MPLKIP: variants seen among roughly 807,000 people sequenced by gnomAD.
MPLKIP encodes M-phase-specific PLK1-interacting protein.
A neutral mutation model predicts 16.9 loss-of-function variants in MPLKIP; 16 were observed. The ratio of observed to expected loss-of-function variants is 0.94; its 90% CI spans 0.64 to 1.43. The LOEUF (loss-of-function observed/expected upper bound fraction) is 1.43. Ranked by LOEUF, MPLKIP falls within the 40% of genes most tolerant of loss-of-function variation. The pLI, the probability that MPLKIP is intolerant of heterozygous loss-of-function variation, is 0.00. For synonymous variants in MPLKIP, 126 were observed against 98.4 expected, an observed-to-expected ratio of 1.28 and a Z score of -1.66; for missense variants, 282 against 237.6, an observed-to-expected ratio of 1.19 and a Z score of -1.23.
Position 40,134,513 on chromosome 7 carries a change from C to T in MPLKIP, c.55G>A (p.Gly19Arg). Residue 19 changes from glycine (G) to arginine (R), a missense_variant, in exon 1 of 2, where the codon GGA becomes AGA. By Grantham distance (125) the Gly-to-Arg change is moderately radical. Coordinates refer to ENST00000306984, the MANE Select transcript of MPLKIP (RefSeq NM_138701.4). ...PTPPYPGPGGGGWGSGSSFRG... is the reference protein window; with the variant it reads ...PTPPYPGPGGRGWGSGSSFRG... ...AAGCTGCTTCCGCTACCCCAACCTC[C>T]TCCACCCGGACCAGGGTAAGGAGGA... The T allele has an allele frequency of 6.3e-7, 1 of 1,592,034 alleles. No homozygotes were observed. The highest frequency in any genetic ancestry group is 1.1e-5 in the South Asian group (1 of 88,038).
chr7:40,128,882 C>G lies in MPLKIP; in HGVS notation c.*4177G>C, dbSNP rs1413486190. ...AGTGAGCTGAGATCGTGCCACTGCA[C>G]TCCAGCATGGGTGACAGAACAAGAC... On this transcript the variant is annotated 3_prime_UTR_variant, in exon 2 of 2. Coordinates refer to ENST00000306984, the MANE Select transcript of MPLKIP (RefSeq NM_138701.4). 7.8e-6 allele frequency: 1 copy of G among 127,608 alleles called. No individual in the cohort carries two copies. Among genetic ancestry groups the G allele is most frequent in the Non-Finnish European group, 1.6e-5 (1 of 64,292 alleles). The allele number at this position is 127,608 out of a possible 1,614,324, so 7.9% of individuals were successfully genotyped here.
At chr7:40,133,309 C>T (rs1040509598) in intron 1 of MPLKIP, 50 bp from the exon 2 acceptor site, 24 of 1,516,002 alleles carry the variant, frequency 1.6e-5, no homozygotes, top group African/African-American at 2.7e-5. Flanking sequence ...ATAATTGGTA[C>T]TTCTTCCTTT....
Position 40,131,323 on chromosome 7 carries a change from G to C in MPLKIP, c.*1736C>G, listed in dbSNP as rs1419234069. On this transcript the variant is annotated 3_prime_UTR_variant, in exon 2 of 2. Coordinates refer to ENST00000306984, the MANE Select transcript of MPLKIP (RefSeq NM_138701.4). ...TTTTGTTTTTACACGTTTCTTTCTG[G>C]GAATGTTGAAACAAAAGTTTTACTA... 2.6e-5 allele frequency: 4 copies of C among 152,014 alleles called. No homozygotes were observed. The highest frequency in any genetic ancestry group is 9.7e-5 in the African/African-American group (4 of 41,328). The allele number at this position is 152,014 out of a possible 1,614,324, so 9.4% of individuals were successfully genotyped here. A position where few individuals can be genotyped will look rare whatever the true frequency, so the allele number is the denominator to read the frequency against.
chr7:40,134,352 G>A lies in MPLKIP; in HGVS notation c.216C>T (p.Ser72=). 1.3e-6 allele frequency: 2 copies of A among 1,553,388 alleles called. No individual in the cohort carries two copies. Among genetic ancestry groups the A allele is most frequent in the South Asian group, 2.4e-5 (2 of 84,508 alleles). ...GAGACCCGAACCGGCCCCCCGGGAA[G>A]CTGCCGCCGTGTCGCGGAGAGTGAC... ...GSSHSPRHGG[S]FPGGRFGSPS... The change falls in exon 1 of 2, where the codon AGC becomes AGT. Residue 72 remains serine (S), a synonymous_variant. Coordinates refer to ENST00000306984, the MANE Select transcript of MPLKIP (RefSeq NM_138701.4).
In MPLKIP at chr7:40,134,402, G is replaced by A; in HGVS notation, c.166C>T (p.Pro56Ser). 2 of 1,562,508 alleles carry A rather than the reference G, an allele frequency of 1.3e-6. No homozygotes were observed. Among genetic ancestry groups the A allele is most frequent in the Non-Finnish European group, 1.7e-6 (2 of 1,155,270 alleles). ...GSPHHTPPYG[P>S]RSRPYGSSHS... ...CTGCTCCCGTACGGCCTAGACCGGG[G>A]CCCGTACGGCGGCGTGTGGTGCGGA... is the stretch of plus-strand genomic sequence containing the variant. Residue 56 changes from proline to serine, a missense_variant, in exon 1 of 2, where the codon CCC (proline) becomes TCC (serine). Transcript: ENST00000306984.
rs1787471739 is a variant in MPLKIP at position 40,132,106 on chromosome 7, T to A, written c.*953A>T. ...GAACTATAGGTATATATCCATAGCA[T>A]CCCTTAATTTGGAAAACCACTTCTC... On this transcript the variant is annotated 3_prime_UTR_variant, in exon 2 of 2. Transcript: ENST00000306984. 6.6e-6 allele frequency: 1 copy of A among 152,248 alleles called. No homozygotes were observed. The highest frequency in any genetic ancestry group is 1.5e-5 in the Non-Finnish European group (1 of 68,048). The allele number at this position is 152,248 out of a possible 1,614,324, so 9.4% of individuals were successfully genotyped here. A position where few individuals can be genotyped will look rare whatever the true frequency, so the allele number is the denominator to read the frequency against.
Position 40,132,774 on chromosome 7 carries a change from GA to G in MPLKIP, c.*284del. On this transcript the variant is annotated 3_prime_UTR_variant, in exon 2 of 2. Transcript: ENST00000306984. The stretch of plus-strand genomic sequence containing the variant: ...ACAAAATGTTTTATTTTAAAACATT[GA>G]AAAAACATTAAAAGACAAATGTCCA... 1 of 417,682 alleles carries G rather than the reference GA, an allele frequency of 2.4e-6. No individual in the cohort carries two copies. The highest frequency in any genetic ancestry group is 2.3e-5 in the South Asian group (1 of 43,162). The allele number at this position is 417,682 out of a possible 1,614,324, so 25.9% of individuals were successfully genotyped here.
Position 40,130,319 on chromosome 7 carries a change from A to T in MPLKIP, c.*2740T>A, listed in dbSNP as rs1735045690. 1 of 152,250 alleles carries T rather than the reference A, an allele frequency of 6.6e-6. No individual in the cohort carries two copies. Among genetic ancestry groups the T allele is most frequent in the African/African-American group, 2.4e-5 (1 of 41,468 alleles). 9.4% of individuals were successfully genotyped at this position (152,250 alleles called of 1,614,324 possible). A position where few individuals can be genotyped will look rare whatever the true frequency, so the allele number is the denominator to read the frequency against. ...AAAGAATAATCAATTCCTTTTACTCAGATAAATAAAAATAGAGTAACGGTA... is the reference window on the plus strand; with the variant it reads ...AAAGAATAATCAATTCCTTTTACTCTGATAAATAAAAATAGAGTAACGGTA... On this transcript the variant is annotated 3_prime_UTR_variant, in exon 2 of 2. Coordinates refer to ENST00000306984, the MANE Select transcript of MPLKIP (RefSeq NM_138701.4).
rs1214127416 is a variant in MPLKIP at position 40,132,860 on chromosome 7, C to T, written c.*199G>A. The T allele has an allele frequency of 5.0e-6, 3 of 595,896 alleles. No individual in the cohort carries two copies. The highest frequency in any genetic ancestry group is 8.9e-6 in the Non-Finnish European group (3 of 336,070). The allele number at this position is 595,896 out of a possible 1,614,324, so 36.9% of individuals were successfully genotyped here. A position where few individuals can be genotyped will look rare whatever the true frequency, so the allele number is the denominator to read the frequency against. Reference sequence around the variant, plus strand: ...GTAAATCTCTAAAATGTGGTAGGTACTTCCAGAGCTAAATGTTGCAAGTTA... The same window carrying T: ...GTAAATCTCTAAAATGTGGTAGGTATTTCCAGAGCTAAATGTTGCAAGTTA... On this transcript the variant is annotated 3_prime_UTR_variant, in exon 2 of 2. Coordinates refer to ENST00000306984, the MANE Select transcript of MPLKIP (RefSeq NM_138701.4).
Position 40,134,387 on chromosome 7 carries a change from A to G in MPLKIP, c.181T>C (p.Tyr61His), listed in dbSNP as rs1162566330. ...TGTCGCGGAGAGTGACTGCTCCCGT[A>G]CGGCCTAGACCGGGGCCCGTACGGC... ...TPPYGPRSRP[Y>H]GSSHSPRHGG... is the part of the protein sequence containing the mutation. Residue 61 changes from tyrosine to histidine, a missense_variant, in exon 1 of 2, where the codon TAC becomes CAC. Transcript: ENST00000306984. The G allele has an allele frequency of 7.1e-6, 11 of 1,559,510 alleles. No homozygotes were observed. Among genetic ancestry groups the G allele is most frequent in the Non-Finnish European group, 8.7e-7 (1 of 1,153,372 alleles).
chr7:40,133,900 A>G (rs973659802), intron 1 of MPLKIP, among the ~76,000 whole-genome samples: 1 of 149,894 alleles, frequency 6.7e-6, no homozygotes, highest in East Asian at 1.9e-4. Flanking sequence ...AAAAAAAAAA[A>G]AAAAAAGAAA....
chr7:40,133,743 A>C (rs1361159100), intron 1 of MPLKIP, among the ~76,000 whole-genome samples: 2 of 152,176 alleles, frequency 1.3e-5, no homozygotes, highest in African/African-American at 4.8e-5. Flanking sequence ...TGCAAGTTGT[A>C]AACCACAGAA....
At position 40,128,608 on chromosome 7, in the gene MPLKIP, C is replaced by G. The variant is rs1458914832; in HGVS notation, c.*4451G>C. ...GGAATTGAGATATCTTCATCAGGCT[C>G]TTTATAATTATCAAGAATGGTGGAG... On this transcript the variant is annotated 3_prime_UTR_variant, in exon 2 of 2. Coordinates refer to ENST00000306984, the MANE Select transcript of MPLKIP (RefSeq NM_138701.4). 2 of 152,156 alleles carry G rather than the reference C, an allele frequency of 1.3e-5. No individual in the cohort carries two copies. The highest frequency in any genetic ancestry group is 3.8e-4 in the East Asian group (2 of 5,198). The allele number at this position is 152,156 out of a possible 1,614,324, so 9.4% of individuals were successfully genotyped here.
chr7:40,133,747 C>CA (rs1305034679), intron 1 of MPLKIP, among the ~76,000 whole-genome samples: 1 of 151,954 alleles, frequency 6.6e-6, no homozygotes, highest in East Asian at 1.9e-4. Context: ...AGTTGTAAAC[C>CA]ACAGAAATCC....
chr7:40,132,943 C>G lies in MPLKIP; in HGVS notation c.*116G>C. The G allele has an allele frequency of 3.3e-6, 3 of 903,766 alleles. No homozygotes were observed. The South Asian group carries it at 4.3e-5, about 13-fold the overall frequency. The allele number at this position is 903,766 out of a possible 1,614,324, so 56.0% of individuals were successfully genotyped here. On this transcript the variant is annotated 3_prime_UTR_variant, in exon 2 of 2. Coordinates refer to ENST00000306984, the MANE Select transcript of MPLKIP (RefSeq NM_138701.4). ...GATACGATGAAAAATAACAAAAAGACCTTACTAATTATCCAATCAAAGTCA... is the reference window on the plus strand; with the variant it reads ...GATACGATGAAAAATAACAAAAAGAGCTTACTAATTATCCAATCAAAGTCA...
rs1399214980 is a variant in MPLKIP at position 40,128,154 on chromosome 7, G to C, written c.*4905C>G. On this transcript the variant is annotated 3_prime_UTR_variant, in exon 2 of 2. Transcript: ENST00000306984. ...AGTCAAGTGCAGCAGTGAGAAGCGGGGGGAAGACGAGAACAAAGAGTTCGA... is the reference window on the plus strand; with the variant it reads ...AGTCAAGTGCAGCAGTGAGAAGCGGCGGGAAGACGAGAACAAAGAGTTCGA... The C allele has an allele frequency of 4.6e-5, 7 of 152,092 alleles. No individual in the cohort carries two copies. Among genetic ancestry groups the C allele is most frequent in the Non-Finnish European group, 1.0e-4 (7 of 68,046 alleles). The allele number at this position is 152,092 out of a possible 1,614,324, so 9.4% of individuals were successfully genotyped here.
In MPLKIP at chr7:40,126,087, A is replaced by G. The variant is rs181043493; in HGVS notation, c.*6972T>C. ...TTTCCAAATTTGGTTGACTTGAAAT[A>G]CATATCCACTCACACATCCATGTCC... On this transcript the variant is annotated 3_prime_UTR_variant, in exon 2 of 2. Transcript: ENST00000306984. 6.6e-6 allele frequency: 1 copy of G among 152,330 alleles called. No individual in the cohort carries two copies. The highest frequency in any genetic ancestry group is 1.5e-5 in the Non-Finnish European group (1 of 68,034). 9.4% of individuals were successfully genotyped at this position (152,330 alleles called of 1,614,324 possible).
chr7:40,134,380 CT>C lies in MPLKIP; in HGVS notation c.187del (p.Ser63AlafsTer90). Reference protein sequence around the residue: ...PYGPRSRPYGSSHSPRHGGSF... With the variant: ...PYGPRSRPYGXSHSPRHGGSF... ...GCCGCCGTGTCGCGGAGAGTGACTG[CT>C]CCCGTACGGCCTAGACCGGGGCCCG... On this transcript the variant is annotated frameshift_variant, in exon 1 of 2. Coordinates refer to ENST00000306984, the MANE Select transcript of MPLKIP (RefSeq NM_138701.4). LOFTEE classifies it high-confidence loss of function. 1 of 1,558,222 alleles carries C rather than the reference CT, an allele frequency of 6.4e-7. No individual in the cohort carries two copies.
At position 40,132,910 on chromosome 7, in the gene MPLKIP, C is replaced by A; in HGVS notation, c.*149G>T. On this transcript the variant is annotated 3_prime_UTR_variant, in exon 2 of 2. Coordinates refer to ENST00000306984, the MANE Select transcript of MPLKIP (RefSeq NM_138701.4). ...ATCCTACTTTTTTCTCTAATATCAA[C>A]AATACCTGATACGATGAAAAATAAC... 2 of 737,344 alleles carry A rather than the reference C, an allele frequency of 2.7e-6. No homozygotes were observed. The highest frequency in any genetic ancestry group is 4.6e-6 in the Non-Finnish European group (2 of 433,440). 45.7% of individuals were successfully genotyped at this position (737,344 alleles called of 1,614,324 possible).
Sources: allele counts gnomAD v4.1 joint callset (sites outside exome capture counted in the v4.1 genomes callset), GRCh38; gene constraint gnomAD v4.1.1; transcripts MANE v1.5; gene names NCBI Gene and HGNC (gene_info 2026-07-23, HGNC 2026-07-21).